PPP6C: variants seen among roughly 807,000 people sequenced by gnomAD.
The protein encoded by PPP6C is protein phosphatase 6 catalytic subunit.
Under a neutral mutation model 39.8 loss-of-function variants are expected in PPP6C, and 11 were observed. The observed-to-expected ratio is 0.28, with a 90% CI of 0.17 to 0.46. The LOEUF (loss-of-function observed/expected upper bound fraction) is 0.46. Among genes scored for constraint, PPP6C ranks in the 20% least tolerant of loss-of-function variants. PPP6C has a pLI of 1.00. For synonymous variants in PPP6C, 129 were observed against 130.3 expected (o/e 0.99, Z 0.07); for missense variants, 211 against 373.9 (o/e 0.56, Z 3.59).
chr9:125,171,870 C>T (rs1157555049), intron 1 of PPP6C: 2 of 458,918 alleles, frequency 4.4e-6, no homozygotes, highest in African/African-American at 4.0e-5. Flanking sequence ...AGATTTTTAT[C>T]TGGTAATTTA....
rs867173821 is a variant in PPP6C at position 125,150,729 on chromosome 9, G to A, written c.670-808C>T. 118 of 779,384 alleles carry A rather than the reference G, an allele frequency of 1.5e-4. 1 individual carries two copies. Among genetic ancestry groups the A allele is most frequent in the African/African-American group, 1.3e-3 (72 of 57,308 alleles). 48.3% of individuals were successfully genotyped at this position (779,384 alleles called of 1,614,324 possible). On this transcript the variant is annotated intron_variant, in intron 6 of 6. Transcript: ENST00000373547. ...TGCCGATCGCCTGGGCCTGGAGCTC[G>A]GCAAGGCAGTGATTGAGAAATTCAG...
At chr9:125,188,601 C>T (rs1288701334) in intron 1 of PPP6C, among the ~76,000 whole-genome samples, 4 of 152,014 alleles carry the variant, frequency 2.6e-5, no homozygotes, top group African/African-American at 9.7e-5. Flanking sequence ...GCCTGGCCAA[C>T]ATGGCGAAAC....
At chr9:125,175,642 C>CAAAAAA (rs1188824495) in intron 1 of PPP6C, among the ~76,000 whole-genome samples, 1 of 55,850 alleles carries the variant, frequency 1.8e-5, no homozygotes. Flanking sequence ...GACTCCGTCT[C>CAAAAAA]AAAAAAAAAA....
At chr9:125,153,270 C>G (rs939197894) in intron 6 of PPP6C, among the ~76,000 whole-genome samples, 12 of 151,552 alleles carry the variant, frequency 7.9e-5, no homozygotes, top group Non-Finnish European at 2.9e-5. Flanking sequence ...AGCAAGACTC[C>G]ATCTCAAAAA....
At chr9:125,178,572 G>A (rs186968137) in intron 1 of PPP6C, among the ~76,000 whole-genome samples, 1 of 152,274 alleles carries the variant, frequency 6.6e-6, no homozygotes, top group Non-Finnish European at 1.5e-5. Flanking sequence ...TCTTAGTTAA[G>A]AAACCACTAT....
At chr9:125,183,287 G>A (rs1473572164) in intron 1 of PPP6C, among the ~76,000 whole-genome samples, 1 of 152,086 alleles carries the variant, frequency 6.6e-6, no homozygotes, top group Non-Finnish European at 1.5e-5. Context: ...AATGCTGCCA[G>A]AATAAACATT....
chr9:125,167,843 G>A (rs921713725), intron 2 of PPP6C, among the ~76,000 whole-genome samples: 1 of 96,662 alleles, frequency 1.0e-5, no homozygotes, highest in East Asian at 4.7e-4. Context: ...GGGGGGGGGG[G>A]GGGGTATCAT....
chr9:125,161,938 CT>C (rs1414685921), intron 2 of PPP6C, among the ~76,000 whole-genome samples: 1 of 152,126 alleles, frequency 6.6e-6, no homozygotes, highest in Non-Finnish European at 1.5e-5. Context: ...ACACATTCAT[CT>C]TTTACACTTG....
chr9:125,184,198 A>T (rs748509527), intron 1 of PPP6C, among the ~76,000 whole-genome samples: 6 of 152,044 alleles, frequency 3.9e-5, no homozygotes, highest in Non-Finnish European at 7.4e-5. Context: ...CCATCCTGGC[A>T]AACACAGTGA....
In PPP6C at chr9:125,149,461, G is replaced by T. The variant is rs1306328141; in HGVS notation, c.*212C>A. The T allele has an allele frequency of 3.8e-6, 2 of 532,800 alleles. No individual in the cohort carries two copies. The highest frequency in any genetic ancestry group is 6.4e-6 in the Non-Finnish European group (2 of 310,744). 33.0% of individuals were successfully genotyped at this position (532,800 alleles called of 1,614,324 possible). A position where few individuals can be genotyped will look rare whatever the true frequency, so the allele number is the denominator to read the frequency against. On this transcript the variant is annotated 3_prime_UTR_variant, in exon 7 of 7. Coordinates refer to ENST00000373547, the MANE Select transcript of PPP6C (RefSeq NM_002721.5). ...AAGTCTTCTCAAATGAGTCCAGGGT[G>T]GGGATGGGATGGGGGAAAATTGATA...
At chr9:125,167,958 C>A (rs945696096) in intron 2 of PPP6C, among the ~76,000 whole-genome samples, 4 of 151,744 alleles carry the variant, frequency 2.6e-5, no homozygotes, top group Non-Finnish European at 5.9e-5. Context: ...CCCAGCCAGA[C>A]TTTTCAAATA....
intron 2 of PPP6C, among the ~76,000 whole-genome samples, chr9:125,161,592 C>T (rs1229236989): frequency 1.3e-5 from 2 of 152,162 alleles, no homozygotes; most frequent in African/African-American, 2.4e-5. Flanking sequence ...CACAGTTACA[C>T]ACCACCATGC....
At chr9:125,184,123 A>C (rs1056364124) in intron 1 of PPP6C, among the ~76,000 whole-genome samples, 2 of 152,058 alleles carry the variant, frequency 1.3e-5, no homozygotes, top group African/African-American at 2.4e-5. Context: ...CGCGGTGGCT[A>C]ACGCCTATAA....
chr9:125,188,080 T>C (rs2131348085), intron 1 of PPP6C, among the ~76,000 whole-genome samples: 1 of 152,214 alleles, frequency 6.6e-6, no homozygotes, highest in South Asian at 2.1e-4. Flanking sequence ...AGTAATATAT[T>C]TCCTTAAGAA....
At chr9:125,170,794 G>C (rs922264247) in intron 2 of PPP6C, among the ~76,000 whole-genome samples, 1 of 152,130 alleles carries the variant, frequency 6.6e-6, no homozygotes, top group Non-Finnish European at 1.5e-5. Flanking sequence ...GTATGTGTTT[G>C]TACTTTATAT....
At chr9:125,170,010 G>A (rs1349002170) in intron 2 of PPP6C, among the ~76,000 whole-genome samples, 1 of 152,236 alleles carries the variant, frequency 6.6e-6, no homozygotes, top group African/African-American at 2.4e-5. Context: ...TTAAAGCAGG[G>A]AAATTGCACA....
chr9:125,147,294 A>AC lies in PPP6C; in HGVS notation c.*2378dup, dbSNP rs997565757. On this transcript the variant is annotated 3_prime_UTR_variant, in exon 7 of 7. Transcript: ENST00000373547. Reference sequence around the variant, plus strand: ...TCATAGGCAAATAAAAATAGTTTTTACCCCCATTGATACAACATAAGGGAT... The same window carrying AC: ...TCATAGGCAAATAAAAATAGTTTTTACCCCCCATTGATACAACATAAGGGAT... The AC allele has an allele frequency of 1.3e-5, 2 of 152,182 alleles. No individual in the cohort carries two copies. The highest frequency in any genetic ancestry group is 2.4e-5 in the African/African-American group (1 of 41,446). 9.4% of individuals were successfully genotyped at this position (152,182 alleles called of 1,614,324 possible).
chr9:125,177,470 G>C (rs1278474114), intron 1 of PPP6C, among the ~76,000 whole-genome samples: 2 of 152,108 alleles, frequency 1.3e-5, no homozygotes, highest in Admixed American at 6.6e-5. Flanking sequence ...GCAAAGACAG[G>C]AGGATCCCTT....
At chr9:125,170,969 G>A in intron 2 of PPP6C, 116 bp downstream of exon 2, 1 of 636,452 alleles carries the variant, frequency 1.6e-6, no homozygotes, top group Non-Finnish European at 2.5e-6. Context: ...AGGCAACCTA[G>A]CTTACCACCA....
Sources: gnomAD v4.1 joint callset for allele counts (sites outside exome capture counted in the v4.1 genomes callset) on GRCh38, gnomAD v4.1.1 for gene constraint, MANE v1.5 for transcripts, NCBI Gene and HGNC (gene_info 2026-07-23, HGNC 2026-07-21) for gene names.